ATXN1: variants seen among roughly 807,000 people sequenced by gnomAD.
ATXN1 encodes the protein ataxin-1.
ATXN1 carries 8 observed loss-of-function variants against 56.4 expected under a neutral mutation model. That is an observed-to-expected ratio of 0.14 (90% CI 0.08 to 0.26). The LOEUF (loss-of-function observed/expected upper bound fraction) is 0.26, where lower values mean the gene tolerates loss of function less well. ATXN1 is among the 10% of genes least tolerant of loss of function. The pLI, the probability that ATXN1 is intolerant of heterozygous loss-of-function variation, is 1.00. For missense variants in ATXN1, 987 were observed against 1,106.5 expected, an observed-to-expected ratio of 0.89 and a Z score of 1.53; for synonymous variants, 514 against 494.6, an observed-to-expected ratio of 1.04 and a Z score of -0.52.
chr6:16,698,189 A>G (rs1478554720), intron 2 of ATXN1, among the ~76,000 whole-genome samples: 1 of 152,194 alleles, frequency 6.6e-6, no homozygotes, highest in Non-Finnish European at 1.5e-5. Context: ...TATTCATTTA[A>G]ACAGCACCTA....
chr6:16,668,010 C>T (rs1758466584), intron 2 of ATXN1, among the ~76,000 whole-genome samples: 1 of 152,146 alleles, frequency 6.6e-6, no homozygotes, highest in South Asian at 2.1e-4. Flanking sequence ...GTAATGTTGC[C>T]TCATTTGTGT....
intron 6 of ATXN1, among the ~76,000 whole-genome samples, chr6:16,459,076 C>T (rs1195339960): frequency 1.3e-5 from 2 of 152,236 alleles, no homozygotes; most frequent in Non-Finnish European, 2.9e-5. Flanking sequence ...ATTTCTCCCA[C>T]CTCCTCAGTT....
At chr6:16,758,580 G>C (rs904735799) in intron 1 of ATXN1, among the ~76,000 whole-genome samples, 1 of 152,188 alleles carries the variant, frequency 6.6e-6, no homozygotes, top group Admixed American at 6.5e-5. Context: ...GGAGTCTCTC[G>C]TCTGGCTTGG....
At chr6:16,371,022 G>A (rs1428740325) in intron 6 of ATXN1, among the ~76,000 whole-genome samples, 1 of 152,188 alleles carries the variant, frequency 6.6e-6, no homozygotes, top group East Asian at 1.9e-4. Context: ...CTACTATTGG[G>A]AGCATAGAGT....
intron 5 of ATXN1, among the ~76,000 whole-genome samples, chr6:16,507,326 T>G (rs1031907478): frequency 6.6e-6 from 1 of 152,196 alleles, no homozygotes; most frequent in Admixed American, 6.5e-5. Flanking sequence ...GATAAATAGA[T>G]GGGTAAGTGG....
At chr6:16,341,807 C>T (rs1761255906) in intron 6 of ATXN1, among the ~76,000 whole-genome samples, 1 of 151,960 alleles carries the variant, frequency 6.6e-6, no homozygotes, top group Non-Finnish European at 1.5e-5. Flanking sequence ...GCGTGAGCCA[C>T]CGCACCCGGC....
At chr6:16,679,653 A>C (rs989520247) in intron 2 of ATXN1, among the ~76,000 whole-genome samples, 6 of 152,232 alleles carry the variant, frequency 3.9e-5, no homozygotes, top group Admixed American at 2.0e-4. Flanking sequence ...CTGAAGTGTG[A>C]TAACTATTGG....
intron 2 of ATXN1, among the ~76,000 whole-genome samples, chr6:16,699,558 T>A (rs2113433669): frequency 6.6e-6 from 1 of 152,216 alleles, no homozygotes; most frequent in East Asian, 1.9e-4. Flanking sequence ...CTCATCAGAG[T>A]GAGGTCTGAA....
intron 6 of ATXN1, among the ~76,000 whole-genome samples, chr6:16,392,860 C>T (rs748483109): frequency 4.6e-5 from 7 of 152,162 alleles, no homozygotes; most frequent in Non-Finnish European, 1.0e-4. Flanking sequence ...CCAGGGAAAG[C>T]GGCATCATGA....
chr6:16,482,768 T>G (rs1312467004), intron 6 of ATXN1, among the ~76,000 whole-genome samples: 1 of 152,220 alleles, frequency 6.6e-6, no homozygotes, highest in Non-Finnish European at 1.5e-5. Context: ...GGAAAGGGTT[T>G]CATGGTAGTG....
intron 6 of ATXN1, among the ~76,000 whole-genome samples, chr6:16,442,509 T>C (rs1048533918): frequency 6.6e-6 from 1 of 150,746 alleles, no homozygotes; most frequent in Non-Finnish European, 1.5e-5. Flanking sequence ...GCGGGAAGAA[T>C]ATGAAAGGAA....
chr6:16,569,555 A>AT (rs1762293883), intron 4 of ATXN1, among the ~76,000 whole-genome samples: 1 of 146,564 alleles, frequency 6.8e-6, no homozygotes, highest in African/African-American at 2.5e-5. Flanking sequence ...AACAGTTCCG[A>AT]TTGACTCAGT....
chr6:16,621,483 A>C (rs1018489581), intron 3 of ATXN1, among the ~76,000 whole-genome samples: 8 of 152,260 alleles, frequency 5.3e-5, no homozygotes, highest in African/African-American at 1.9e-4. Context: ...ACACTTTGGG[A>C]GGCCAAGGCA....
chr6:16,484,609 T>G (rs1760504390), intron 6 of ATXN1, among the ~76,000 whole-genome samples: 1 of 152,176 alleles, frequency 6.6e-6, no homozygotes, highest in African/African-American at 2.4e-5. Context: ...AGACCCAACG[T>G]GTACAGAATG....
chr6:16,304,505 ATCTT>A lies in ATXN1; in HGVS notation c.*1820_*1823del. ...ATAATAAAGTAATTGTTTAAAAAAA[ATCTT>A]GCTCACATATATAAATGTCTTTATG... On this transcript the variant is annotated 3_prime_UTR_variant, in exon 8 of 8. Transcript: ENST00000436367. 5 of 152,620 alleles carry A rather than the reference ATCTT, an allele frequency of 3.3e-5. No homozygotes were observed. Among genetic ancestry groups the A allele is most frequent in the Non-Finnish European group, 7.3e-5 (5 of 68,042 alleles). The allele number at this position is 152,620 out of a possible 1,614,324, so 9.5% of individuals were successfully genotyped here.
chr6:16,395,852 TA>T (rs886728714), intron 6 of ATXN1, among the ~76,000 whole-genome samples: 3 of 151,502 alleles, frequency 2.0e-5, no homozygotes, highest in Admixed American at 2.0e-4. Context: ...CCATCTCTAC[TA>T]AAAATACAAA....
chr6:16,484,757 A>G (rs1164604967), intron 6 of ATXN1, among the ~76,000 whole-genome samples: 1 of 152,192 alleles, frequency 6.6e-6, no homozygotes, highest in African/African-American at 2.4e-5. Context: ...TGCATATTTT[A>G]ATACAAATGT....
Position 16,461,202 on chromosome 6 carries a change from G to T in ATXN1, c.-161+24770C>A, listed in dbSNP as rs189052853. Among the ~76,000 whole-genome samples the T allele has an allele frequency of 3.0e-3, 457 of 152,346 alleles. 1 individual carries two copies. The highest frequency in any genetic ancestry group is 0.01 in the African/African-American group (436 of 41,576). Reference sequence around the variant, plus strand: ...CATGGTATGGAACAACCCCCTCCAAGAGATTAAGCCCCAGTACTCCCTGAT... The same window carrying T: ...CATGGTATGGAACAACCCCCTCCAATAGATTAAGCCCCAGTACTCCCTGAT... On this transcript the variant is annotated intron_variant, in intron 6 of 7. Coordinates refer to ENST00000436367, the MANE Select transcript of ATXN1 (RefSeq NM_001128164.2).
At chr6:16,353,266 G>C (rs1164291700) in intron 6 of ATXN1, among the ~76,000 whole-genome samples, 3 of 152,220 alleles carry the variant, frequency 2.0e-5, no homozygotes, top group Non-Finnish European at 4.4e-5. Context: ...ACAAGGCTGA[G>C]AACGAGGTCT....
Sources: allele counts gnomAD v4.1 joint callset (sites outside exome capture counted in the v4.1 genomes callset), GRCh38; gene constraint gnomAD v4.1.1; transcripts MANE v1.5; gene names NCBI Gene and HGNC (gene_info 2026-07-23, HGNC 2026-07-21).